Variants in MVB12B observed in about 807,000 individuals in gnomAD.
MVB12B encodes the protein ESCRT-I complex subunit MVB12B.
MVB12B carries 16 observed loss-of-function variants against 41.6 expected under a neutral mutation model. That is an observed-to-expected ratio of 0.38 (90% CI 0.26 to 0.58). The LOEUF is 0.58. MVB12B is among the 20% of genes least tolerant of loss of function. MVB12B has a pLI of 0.62. For synonymous variants in MVB12B, 133 were observed against 139.7 expected (o/e 0.95, Z 0.34); for missense variants, 274 against 380.2 (o/e 0.72, Z 2.32).
intron 7 of MVB12B, among the ~76,000 whole-genome samples, chr9:126,437,291 A>G (rs1832507268): frequency 6.6e-6 from 1 of 152,246 alleles, no homozygotes; most frequent in Admixed American, 6.5e-5. Context: ...AACAGATTGC[A>G]TAGACAGATT....
intron 7 of MVB12B, among the ~76,000 whole-genome samples, chr9:126,460,547 G>A (rs1197699077): frequency 6.6e-6 from 1 of 152,082 alleles, no homozygotes; most frequent in East Asian, 1.9e-4. Flanking sequence ...TATCCCCTGT[G>A]TAGAGATGTG....
chr9:126,335,328 C>A, intron 1 of MVB12B: 1 of 1,304,190 alleles, frequency 7.7e-7, no homozygotes, highest in Non-Finnish European at 1.0e-6. Flanking sequence ...CACTGTCCCC[C>A]ACGGGTGGCC....
chr9:126,448,105 A>G (rs573756397), intron 7 of MVB12B: 3 of 152,792 alleles, frequency 2.0e-5, no homozygotes, highest in African/African-American at 7.2e-5. Context: ...GTTCCCCACC[A>G]CATCCCTGCC....
At position 126,340,055 on chromosome 9, in the gene MVB12B, C is replaced by T. The variant is rs771634401; in HGVS notation, c.82-453C>T. Among the ~76,000 whole-genome samples the T allele has an allele frequency of 2.6e-5, 4 of 152,144 alleles. No homozygotes were observed. Among genetic ancestry groups the T allele is most frequent in the East Asian group, 3.8e-4 (2 of 5,196 alleles). The stretch of plus-strand genomic sequence containing the variant: ...TTCCTTGCTTCTTTGCAAAGCTCTG[C>T]GTGCTGAAGGCCTAACCTTGGCTGT... On this transcript the variant is annotated intron_variant, in intron 1 of 9. Transcript: ENST00000361171. The surrounding 1 kb of genome is among the most constrained non-coding windows in gnomAD (Gnocchi z 4.0).
At chr9:126,417,051 G>T (rs536134414) in intron 6 of MVB12B, among the ~76,000 whole-genome samples, 1 of 152,216 alleles carries the variant, frequency 6.6e-6, no homozygotes, top group East Asian at 1.9e-4. Context: ...GTGCCTTTCT[G>T]TCCTGTCCCC....
chr9:126,370,671 C>T (rs1405656912), intron 2 of MVB12B, among the ~76,000 whole-genome samples: 2 of 152,030 alleles, frequency 1.3e-5, no homozygotes, highest in African/African-American at 4.8e-5. Context: ...TGTGAGTCAC[C>T]GCGCCTGGCC....
At chr9:126,344,013 T>C (rs1829521254) in intron 2 of MVB12B, among the ~76,000 whole-genome samples, 1 of 150,708 alleles carries the variant, frequency 6.6e-6, no homozygotes, top group Admixed American at 6.6e-5. Context: ...ATAAAGGACA[T>C]GTCTTCTTTT....
At chr9:126,491,291 T>A (rs1833726511) in intron 9 of MVB12B, among the ~76,000 whole-genome samples, 1 of 152,194 alleles carries the variant, frequency 6.6e-6, no homozygotes, top group South Asian at 2.1e-4. Flanking sequence ...CCCGCAGGAA[T>A]AAAGTGAAGC....
chr9:126,422,942 C>G (rs1001599247), intron 7 of MVB12B, among the ~76,000 whole-genome samples: 2 of 152,114 alleles, frequency 1.3e-5, no homozygotes, highest in Admixed American at 1.3e-4. Context: ...CAGGGATGTT[C>G]TTAAGCCCCC....
intron 9 of MVB12B, among the ~76,000 whole-genome samples, chr9:126,502,021 G>A (rs546871521): frequency 6.6e-6 from 1 of 152,306 alleles, no homozygotes; most frequent in South Asian, 2.1e-4. Context: ...TGCAGCTCAT[G>A]GTCAGCTCAC....
At chr9:126,349,075 G>T in intron 2 of MVB12B, among the ~76,000 whole-genome samples, 1 of 152,264 alleles carries the variant, frequency 6.6e-6, no homozygotes, top group Non-Finnish European at 1.5e-5. Context: ...GTGGGGAAGC[G>T]TGGGGTGTGT....
In MVB12B at chr9:126,340,079, G is replaced by A. The variant is rs1207923061; in HGVS notation, c.82-429G>A. ...GCGTGCTGAAGGCCTAACCTTGGCT[G>A]TGGGTTTGGAAGTCTAGGCCTCCGT... is the stretch of plus-strand genomic sequence containing the variant. On this transcript the variant is annotated intron_variant, in intron 1 of 9. Coordinates refer to ENST00000361171, the MANE Select transcript of MVB12B (RefSeq NM_033446.3). The surrounding 1 kb of genome is among the most constrained non-coding windows in gnomAD (Gnocchi z 4.0). 2.0e-5 allele frequency among the ~76,000 whole-genome samples: 3 copies of A among 152,164 alleles called. No individual in the cohort carries two copies. The highest frequency in any genetic ancestry group is 1.9e-4 in the East Asian group (1 of 5,196).
At chr9:126,410,714 A>G (rs2119056229) in intron 6 of MVB12B, among the ~76,000 whole-genome samples, 1 of 151,972 alleles carries the variant, frequency 6.6e-6, no homozygotes, top group East Asian at 1.9e-4. Context: ...CTCTTGGGCC[A>G]CTGTCTAGAC....
chr9:126,340,444 T>C lies in MVB12B; in HGVS notation c.82-64T>C. 6.3e-7 allele frequency: 1 copy of C among 1,591,894 alleles called. No individual in the cohort carries two copies. The highest frequency in any genetic ancestry group is 1.1e-5 in the South Asian group (1 of 89,710). On this transcript the variant is annotated intron_variant, in intron 1 of 9. Coordinates refer to ENST00000361171, the MANE Select transcript of MVB12B (RefSeq NM_033446.3). The surrounding 1 kb of genome is among the most constrained non-coding windows in gnomAD (Gnocchi z 4.0). ...CCAAGATTCTGGTTCTGTTTGAGAC[T>C]TTATATTATTCACATAAATGCTATG...
Position 126,454,987 on chromosome 9 carries a change from C to T in MVB12B, c.758-26382C>T, listed in dbSNP as rs558615105. ...GCAGGGCAGCCACTCCGGGGATGAGCGAGCATGCACCATGATGGCGATTCC... is the reference window on the plus strand; with the variant it reads ...GCAGGGCAGCCACTCCGGGGATGAGTGAGCATGCACCATGATGGCGATTCC... On this transcript the variant is annotated intron_variant, in intron 7 of 9. Transcript: ENST00000361171. Among the ~76,000 whole-genome samples the T allele has an allele frequency of 2.5e-4, 38 of 152,060 alleles. 2 individuals are homozygous for T. The highest frequency in any genetic ancestry group is 2.2e-3 in the Admixed American group (34 of 15,282).
At position 126,337,039 on chromosome 9, in the gene MVB12B, C is replaced by T. The variant is rs150110336; in HGVS notation, c.82-3469C>T. On this transcript the variant is annotated intron_variant, in intron 1 of 9. Transcript: ENST00000361171. ...TATTGAGAATAGACTTAGATTGGCC[C>T]AATCCTATAGTTCTGAAAAATTTCA... is the stretch of plus-strand genomic sequence containing the variant. 3.7e-3 allele frequency among the ~76,000 whole-genome samples: 571 copies of T among 152,326 alleles called. 2 individuals carry two copies. The highest frequency in any genetic ancestry group is 0.013 in the African/African-American group (548 of 41,556).
chr9:126,425,282 T>C lies in MVB12B; in HGVS notation c.757+3334T>C, dbSNP rs577199410. On this transcript the variant is annotated intron_variant, in intron 7 of 9. Transcript: ENST00000361171. ...GCCTGGGGAACATGGATCTTGTCTC[T>C]TTAAAAAAATTAATTTTTTAAAATT... 3.3e-5 allele frequency among the ~76,000 whole-genome samples: 5 copies of C among 152,312 alleles called. No individual in the cohort carries two copies. In the Middle Eastern group the frequency reaches 0.01, roughly 311 times the overall value.
chr9:126,397,961 A>G (rs1026312784), intron 6 of MVB12B, among the ~76,000 whole-genome samples: 9 of 151,944 alleles, frequency 5.9e-5, no homozygotes, highest in African/African-American at 9.7e-5. Flanking sequence ...AGGGTAAGGC[A>G]GGCCCCTCAG....
At chr9:126,421,726 C>T in intron 6 of MVB12B, 128 bp from the exon 7 acceptor site, 5 of 707,424 alleles carry the variant, frequency 7.1e-6, no homozygotes, top group Admixed American at 2.1e-5. Flanking sequence ...GAGAAGGAGG[C>T]GCTGGCCAGA....
Sources: allele counts gnomAD v4.1 joint callset (sites outside exome capture counted in the v4.1 genomes callset), GRCh38; gene constraint gnomAD v4.1.1; non-coding constraint Gnocchi (gnomAD v3.1); transcripts MANE v1.5; gene names NCBI Gene and HGNC (gene_info 2026-07-23, HGNC 2026-07-21).